Variants in PREX1 observed in about 807,000 individuals in gnomAD.
PREX1 encodes phosphatidylinositol 3,4,5-trisphosphate-dependent Rac exchanger 1 protein.
Under a neutral mutation model 198.3 loss-of-function variants are expected in PREX1, and 41 were observed. That is an observed-to-expected ratio of 0.21 (90% CI 0.16 to 0.27). The LOEUF (loss-of-function observed/expected upper bound fraction) is 0.27, where lower values mean the gene tolerates loss of function less well. PREX1 is among the 10% of genes least tolerant of loss of function. The pLI is 1.00. For missense variants in PREX1, 1,620 were observed against 2,200.7 expected, an observed-to-expected ratio of 0.74 and a Z score of 5.28; for synonymous variants, 843 against 887.2, an observed-to-expected ratio of 0.95 and a Z score of 0.89.
Position 48,657,208 on chromosome 20 carries a change from G to A in PREX1, c.1975-20C>T, listed in dbSNP as rs1389329599. The stretch of plus-strand genomic sequence containing the variant: ...AGCCACCTGGGTAGGGACGGCAGAG[G>A]ACAGACGTGCACACCAGTTACTAAG... On this transcript the variant is annotated intron_variant, in intron 17 of 39. Coordinates refer to ENST00000371941, the MANE Select transcript of PREX1 (RefSeq NM_020820.4). The A allele has an allele frequency of 1.9e-6, 3 of 1,612,246 alleles. No homozygotes were observed. Among genetic ancestry groups the A allele is most frequent in the Non-Finnish European group, 1.7e-6 (2 of 1,178,772 alleles).
intron 1 of PREX1, among the ~76,000 whole-genome samples, chr20:48,805,164 C>T (rs1381176237): frequency 6.6e-6 from 1 of 152,202 alleles, no homozygotes; most frequent in African/African-American, 2.4e-5. Flanking sequence ...GGAGAAGAAA[C>T]GGTGATAGCA....
In PREX1 at chr20:48,657,165, C is replaced by T; in HGVS notation, c.1998G>A (p.Arg666=). 1 of 1,613,706 alleles carries T rather than the reference C, an allele frequency of 6.2e-7. No individual in the cohort carries two copies. The highest frequency in any genetic ancestry group is 8.5e-7 in the Non-Finnish European group (1 of 1,179,850). ...GGTCCTCATTGATGGAGTAGATCTT[C>T]CTCCCCACCTGCAGGCCAGCCACCT... ...LAEVAGLQVG[R]KIYSINEDLV... Residue 666 remains arginine, a synonymous_variant, in exon 18 of 40, where the codon AGG becomes AGA. Transcript: ENST00000371941.
At chr20:48,694,073 G>A (rs563019927) in intron 7 of PREX1, among the ~76,000 whole-genome samples, 3 of 152,020 alleles carry the variant, frequency 2.0e-5, no homozygotes, top group South Asian at 2.1e-4. Context: ...CACCATGGCC[G>A]GGTAATTTTT....
At chr20:48,813,329 CTCTCTACTGAGGACAA>C (rs1668906071) in intron 1 of PREX1, among the ~76,000 whole-genome samples, 1 of 152,192 alleles carries the variant, frequency 6.6e-6, no homozygotes, top group South Asian at 2.1e-4. Flanking sequence ...TCAGTGGAGA[CTCTCTACTGAGGACAA>C]TCAAAATCAC....
In PREX1 at chr20:48,650,144, G is replaced by A. The variant is rs2664569; in HGVS notation, c.2880C>T (p.His960=). 3 of 1,613,982 alleles carry A rather than the reference G, an allele frequency of 1.9e-6. No individual in the cohort carries two copies. The highest frequency in any genetic ancestry group is 2.2e-5 in the East Asian group (1 of 44,904). The change falls in exon 24 of 40, where the codon CAC becomes CAT. Residue 960 remains histidine (H), a synonymous_variant. Coordinates refer to ENST00000371941, the MANE Select transcript of PREX1 (RefSeq NM_020820.4). ...PPFKQAPLEP[H]PLCGLDFCPT... is the part of the protein sequence containing the mutation. ...GGCAGAAGTCCAGGCCACACAGCGG[G>A]TGGGGCTCCAGGGGGGCTTGTTTGA... is the stretch of plus-strand genomic sequence containing the variant.
chr20:48,671,164 G>C (rs1354054822), intron 14 of PREX1, among the ~76,000 whole-genome samples: 3 of 152,180 alleles, frequency 2.0e-5, no homozygotes, highest in African/African-American at 4.8e-5. Flanking sequence ...GCTGGTTTAG[G>C]GGTGTATGTC....
At chr20:48,641,844 AAG>A (rs2089414152) in intron 29 of PREX1, among the ~76,000 whole-genome samples, 1 of 7,816 alleles carries the variant, frequency 1.3e-4, no homozygotes, top group African/African-American at 4.1e-4. Context: ...GAGAGAGAGG[AAG>A]GAAGGAAGGA....
intron 1 of PREX1, among the ~76,000 whole-genome samples, chr20:48,755,760 G>C (rs1490044011): frequency 6.6e-6 from 1 of 152,142 alleles, no homozygotes; most frequent in East Asian, 1.9e-4. Flanking sequence ...ACTGTTATTT[G>C]GGTTTTATCA....
In PREX1 at chr20:48,765,193, A is replaced by G. The variant is rs1022689357; in HGVS notation, c.220-17313T>C. On this transcript the variant is annotated intron_variant, in intron 1 of 39. Transcript: ENST00000371941. ...TCTGTTATTATGATTACTACAAAAC[A>G]GATATTATCATACAGTCTAGCTATA... Among the ~76,000 whole-genome samples, 5 of 152,242 alleles carry G rather than the reference A, an allele frequency of 3.3e-5. No homozygotes were observed. In the East Asian group the frequency reaches 7.7e-4, roughly 23 times the overall value.
chr20:48,768,454 G>A (rs1316994526), intron 1 of PREX1, among the ~76,000 whole-genome samples: 1 of 152,064 alleles, frequency 6.6e-6, no homozygotes, highest in East Asian at 1.9e-4. Context: ...CCACATCTAC[G>A]AAGTCCCAAA....
intron 1 of PREX1, among the ~76,000 whole-genome samples, chr20:48,784,384 C>T (rs1601134080): frequency 6.6e-6 from 1 of 152,186 alleles, no homozygotes; most frequent in Non-Finnish European, 1.5e-5. Flanking sequence ...GTTGTTATTA[C>T]ATTCTAAATA....
chr20:48,806,928 T>C (rs2090414332), intron 1 of PREX1, among the ~76,000 whole-genome samples: 1 of 152,150 alleles, frequency 6.6e-6, no homozygotes, highest in African/African-American at 2.4e-5. Flanking sequence ...AGGAATGGCT[T>C]CTCAGAAGAG....
At chr20:48,734,759 C>T (rs932951704) in intron 3 of PREX1, 109 bp from the exon 4 acceptor site, 4 of 842,562 alleles carry the variant, frequency 4.7e-6, no homozygotes, top group African/African-American at 1.7e-5. Context: ...CTACCCTGAC[C>T]CAGGAGAAGC....
At chr20:48,774,052 G>C (rs954064685) in intron 1 of PREX1, among the ~76,000 whole-genome samples, 4 of 152,184 alleles carry the variant, frequency 2.6e-5, no homozygotes, top group African/African-American at 7.2e-5. Flanking sequence ...CGTCTCCCTG[G>C]TTTCTGGCCT....
intron 20 of PREX1, among the ~76,000 whole-genome samples, chr20:48,653,157 G>A (rs377548573): frequency 2.0e-4 from 30 of 152,148 alleles, no homozygotes; most frequent in South Asian, 1.0e-3. Flanking sequence ...CGAGACCCCC[G>A]GGTATCATGG....
At chr20:48,739,602 C>T (rs781227936) in intron 3 of PREX1, among the ~76,000 whole-genome samples, 11 of 152,302 alleles carry the variant, frequency 7.2e-5, no homozygotes, top group Admixed American at 3.9e-4. Flanking sequence ...TGTTAAATTA[C>T]CCTCTGTTTC....
chr20:48,835,239 G>T, the PREX1 span, among the ~76,000 whole-genome samples: 1 of 152,234 alleles, frequency 6.6e-6, no homozygotes, highest in African/African-American at 2.4e-5. Flanking sequence ...ATCATTGAAT[G>T]AATCAATATC....
chr20:48,643,065 G>C (rs534149108), intron 27 of PREX1, among the ~76,000 whole-genome samples: 7 of 152,232 alleles, frequency 4.6e-5, no homozygotes, highest in Admixed American at 3.9e-4. Context: ...AACCAAGGGT[G>C]GGGGGGAGAC....
chr20:48,733,288 G>C (rs1034654273), intron 4 of PREX1, among the ~76,000 whole-genome samples: 3 of 152,160 alleles, frequency 2.0e-5, no homozygotes, highest in African/African-American at 7.2e-5. Context: ...CTGCTTTAGG[G>C]ATCCACTCTA....
Sources: gnomAD v4.1 joint callset for allele counts (sites outside exome capture counted in the v4.1 genomes callset) on GRCh38, gnomAD v4.1.1 for gene constraint, MANE v1.5 for transcripts, NCBI Gene and HGNC (gene_info 2026-07-23, HGNC 2026-07-21) for gene names.